TNS1: variants seen among roughly 807,000 people sequenced by gnomAD.
The protein encoded by TNS1 is tensin 1.
A neutral mutation model predicts 168.6 loss-of-function variants in TNS1; 62 were observed. The ratio of observed to expected loss-of-function variants is 0.37; its 90% CI spans 0.30 to 0.45. The LOEUF (loss-of-function observed/expected upper bound fraction) is 0.45, where lower values mean the gene tolerates loss of function less well. Among genes scored for constraint, TNS1 ranks in the 20% least tolerant of loss-of-function variants. The pLI, the probability that TNS1 is intolerant of heterozygous loss-of-function variation, is 1.00. For missense variants in TNS1, 2,240 were observed against 2,339.4 expected (o/e 0.96, Z 0.88); for synonymous variants, 934 against 933.2 (o/e 1.00, Z -0.02).
At chr2:218,014,917 AAGGAAGGCAGGCAGGCAGGC>A (rs1479493471), upstream of TNS1, among the ~76,000 whole-genome samples, 4 of 76,588 alleles carry the variant, frequency 5.2e-5, no homozygotes, top group African/African-American at 1.8e-4. Context: ...GGAAGGAAGG[AAGGAAGGCAGGCAGGCAGGC>A]AGGCAGGCAG....
chr2:217,903,760 T>C (rs1953309628), intron 6 of TNS1: 2 of 686,544 alleles, frequency 2.9e-6, no homozygotes, highest in Non-Finnish European at 5.0e-6. Context: ...CTTTTTGCCT[T>C]GGTCCTCATT....
chr2:217,930,011 G>A (rs769455150), intron 3 of TNS1, among the ~76,000 whole-genome samples: 5 of 152,188 alleles, frequency 3.3e-5, no homozygotes, highest in Non-Finnish European at 5.9e-5. Flanking sequence ...CCCAGCTCAC[G>A]GGAGAAAGTC....
At chr2:217,947,917 C>T (rs370654210) in intron 3 of TNS1, among the ~76,000 whole-genome samples, 5 of 152,292 alleles carry the variant, frequency 3.3e-5, no homozygotes, top group African/African-American at 9.6e-5. Context: ...CACAGATGCG[C>T]GTGAAAATGT....
At chr2:217,904,477 T>G (rs551291455) in intron 6 of TNS1, among the ~76,000 whole-genome samples, 2 of 152,160 alleles carry the variant, frequency 1.3e-5, no homozygotes, top group East Asian at 3.9e-4. Flanking sequence ...GCCTTACAAA[T>G]TAGGTTTTCT....
intron 3 of TNS1, among the ~76,000 whole-genome samples, chr2:217,971,716 G>GCC (rs1957777692): frequency 6.6e-6 from 1 of 152,152 alleles, no homozygotes. Context: ...AAATCCCAAT[G>GCC]CCCAGGTCAG....
At chr2:217,922,460 C>T (rs939567355) in intron 3 of TNS1, among the ~76,000 whole-genome samples, 3 of 152,114 alleles carry the variant, frequency 2.0e-5, no homozygotes, top group African/African-American at 7.2e-5. Flanking sequence ...GACCGCGAGC[C>T]AGGCCAAGCT....
intron 4 of TNS1, among the ~76,000 whole-genome samples, chr2:217,913,124 GGCTGGCAGAGGAT>G (rs901975166): frequency 1.4e-4 from 21 of 152,156 alleles, no homozygotes; most frequent in African/African-American, 4.6e-4. Flanking sequence ...GAGCAGATGG[GGCTGGCAGAGGAT>G]GCTGGCAGTG....
chr2:218,021,850 C>T (rs752710877), intron 1 of TNS1, among the ~76,000 whole-genome samples: 1 of 152,254 alleles, frequency 6.6e-6, no homozygotes, highest in Non-Finnish European at 1.5e-5. Context: ...AGCCAGGACC[C>T]AGCAGGCAGC....
intron 3 of TNS1, among the ~76,000 whole-genome samples, chr2:217,967,471 C>G (rs918288046): frequency 1.3e-5 from 2 of 152,030 alleles, no homozygotes; most frequent in African/African-American, 4.8e-5. Flanking sequence ...TCAAATTACT[C>G]AAATCACAAG....
intron 3 of TNS1, among the ~76,000 whole-genome samples, chr2:217,924,000 G>A (rs953356761): frequency 5.9e-5 from 9 of 152,206 alleles, no homozygotes; most frequent in Non-Finnish European, 1.0e-4. Flanking sequence ...GAGGGAAAAA[G>A]CACTAGAGAG....
At chr2:218,023,832 G>T (rs1447469057) in intron 1 of TNS1, among the ~76,000 whole-genome samples, 1 of 152,096 alleles carries the variant, frequency 6.6e-6, no homozygotes, top group Non-Finnish European at 1.5e-5. Flanking sequence ...GAGCTCATCT[G>T]TCCCCACCCT....
intron 3 of TNS1, among the ~76,000 whole-genome samples, chr2:217,955,823 T>A (rs1957347736): frequency 6.6e-6 from 1 of 152,214 alleles, no homozygotes. Flanking sequence ...TTGAATATTT[T>A]CAGTGACACT....
chr2:217,810,339 G>C lies in TNS1; in HGVS notation c.5033-20C>G. 6.2e-7 allele frequency: 1 copy of C among 1,613,560 alleles called. No individual in the cohort carries two copies. The highest frequency in any genetic ancestry group is 2.2e-5 in the East Asian group (1 of 44,884). Reference sequence around the variant, plus strand: ...TGGGGTCTAAGACAAAAATTCAGTAGGAATTAAAACCCTAGAGCTGGAAAG... The same window carrying C: ...TGGGGTCTAAGACAAAAATTCAGTACGAATTAAAACCCTAGAGCTGGAAAG... On this transcript the variant is annotated intron_variant, in intron 28 of 32. Coordinates refer to ENST00000682258, the MANE Select transcript of TNS1 (RefSeq NM_001387777.1).
intron 3 of TNS1, among the ~76,000 whole-genome samples, chr2:217,949,037 C>T (rs1575130270): frequency 6.6e-6 from 1 of 152,186 alleles, no homozygotes; most frequent in South Asian, 2.1e-4. Context: ...ACACTGGCAG[C>T]CCCTCCCTCC....
chr2:217,992,807 G>A (rs542312713), intron 1 of TNS1, among the ~76,000 whole-genome samples: 8 of 152,234 alleles, frequency 5.3e-5, no homozygotes, highest in Non-Finnish European at 7.4e-5. Context: ...ACTAACAAGG[G>A]GGTCAGAGAA....
At chr2:218,031,208 GTGTC>G (rs1251432670) in intron 1 of TNS1, among the ~76,000 whole-genome samples, 87 of 149,488 alleles carry the variant, frequency 5.8e-4, no homozygotes, top group African/African-American at 1.4e-3. Context: ...GTGTGTGAGT[GTGTC>G]TGTGTGTATG....
intron 12 of TNS1, 131 bp from the exon 13 acceptor site, chr2:217,886,777 C>T (rs1204332387): frequency 2.8e-6 from 2 of 703,036 alleles, no homozygotes; most frequent in East Asian, 2.8e-5. Flanking sequence ...AACATGGTCC[C>T]CCTCCCCAAC....
At chr2:217,981,955 C>A (rs1392359992) in intron 2 of TNS1, among the ~76,000 whole-genome samples, 1 of 152,210 alleles carries the variant, frequency 6.6e-6, no homozygotes, top group East Asian at 1.9e-4. Flanking sequence ...ACTCATCATG[C>A]CCTTCTGGAG....
At position 217,847,639 on chromosome 2, in the gene TNS1, G is replaced by T. The variant is rs367588026; in HGVS notation, c.2878C>A (p.Pro960Thr). Reference protein sequence around the residue: ...TTHSPPGPQQPPASLPGLTAQ... With the variant: ...TTHSPPGPQQTPASLPGLTAQ... ...GTGAGGCCAGGGAGAGAGGCTGGGGGTTGCTGAGGCCCTGGAGGGCTGTGG... is the reference window on the plus strand; with the variant it reads ...GTGAGGCCAGGGAGAGAGGCTGGGGTTTGCTGAGGCCCTGGAGGGCTGTGG... The change falls in exon 19 of 33, where the codon CCC (proline) becomes ACC (threonine). Residue 960 changes from proline to threonine, a missense_variant. Pro to Thr is a conservative substitution (Grantham distance 38). This residue lies in a region of TNS1 where 2,131 missense variants were observed against 2,171.2 expected (regional missense o/e 0.98). Transcript: ENST00000682258. The T allele has an allele frequency of 2.5e-6, 4 of 1,585,594 alleles. No individual in the cohort carries two copies. Among genetic ancestry groups the T allele is most frequent in the Non-Finnish European group, 3.5e-6 (4 of 1,158,364 alleles).
Sources: gnomAD v4.1 joint callset for allele counts (sites outside exome capture counted in the v4.1 genomes callset) on GRCh38, gnomAD v4.1.1 for gene constraint, gnomAD v4.1.1 regional missense constraint, MANE v1.5 for transcripts, NCBI Gene and HGNC (gene_info 2026-07-23, HGNC 2026-07-21) for gene names.